The following TOM1L1 variants were observed in gnomAD, a reference collection of about 807,000 sequenced individuals.
TOM1L1 encodes the protein target of myb1 like 1 membrane trafficking protein.
In TOM1L1, 64 loss-of-function variants were observed where a neutral mutation model predicts 63.4. That is an observed-to-expected ratio of 1.01 (90% CI 0.83 to 1.24). The LOEUF (loss-of-function observed/expected upper bound fraction) is 1.24. TOM1L1 is among the 50% of genes most tolerant of loss of function. The probability of loss-of-function intolerance (pLI) is 0.00; values close to 1 mark genes in which losing one functional copy is unlikely to be tolerated. For synonymous variants in TOM1L1, 166 were observed against 194.4 expected (o/e 0.85, Z 1.22); for missense variants, 536 against 567.0 (o/e 0.95, Z 0.55).
intron 7 of TOM1L1, among the ~76,000 whole-genome samples, chr17:54,924,286 T>TG (rs910180626): frequency 4.7e-5 from 7 of 149,668 alleles, no homozygotes; most frequent in Non-Finnish European, 8.9e-5. Flanking sequence ...CTTTTTTCTT[T>TG]TTTTTTTTTT....
Position 54,937,164 on chromosome 17 carries a change from C to G in TOM1L1, c.971C>G (p.Pro324Arg). The change falls in exon 10 of 16, where the codon CCC becomes CGC. Residue 324 changes from proline to arginine, a missense_variant. By Grantham distance (103) the Pro-to-Arg change is moderately radical (BLOSUM62 -2). Coordinates refer to ENST00000575882, the MANE Select transcript of TOM1L1 (RefSeq NM_005486.3). ...GATCTCCTCGACCTAAGTCCCAGTC[C>G]CCGGATGCCTAGGGCCACTCTGGGA... ...SQDLLDLSPS[P>R]RMPRATLGEL... 1.2e-6 allele frequency: 2 copies of G among 1,613,874 alleles called. No homozygotes were observed. Among genetic ancestry groups the G allele is most frequent in the Middle Eastern group, 1.6e-4 (1 of 6,062 alleles).
intron 14 of TOM1L1, among the ~76,000 whole-genome samples, chr17:54,955,470 C>T (rs2049453711): frequency 6.6e-6 from 1 of 152,182 alleles, no homozygotes; most frequent in Non-Finnish European, 1.5e-5. Context: ...ATCAAACTAA[C>T]AGCAGTCCTT....
At chr17:54,913,581 G>A (rs973436488) in intron 4 of TOM1L1, among the ~76,000 whole-genome samples, 167 bp from the exon 5 acceptor site, 9 of 150,460 alleles carry the variant, frequency 6.0e-5, no homozygotes, top group Non-Finnish European at 8.8e-5. Flanking sequence ...CAGGAGAATC[G>A]CTTGAACCCA....
intron 14 of TOM1L1, among the ~76,000 whole-genome samples, chr17:54,950,785 C>T (rs2143967173): frequency 6.6e-6 from 1 of 152,254 alleles, no homozygotes; most frequent in Non-Finnish European, 1.5e-5. Flanking sequence ...TGTTTTTGAC[C>T]TGTGCAGAAT....
rs1243210357 is a variant in TOM1L1, at chr17:54,937,159, C to T, written c.966C>T (p.Pro322=). 7 of 1,613,796 alleles carry T rather than the reference C, an allele frequency of 4.3e-6. No individual in the cohort carries two copies. In the South Asian group the frequency reaches 5.5e-5, roughly 13 times the overall value. ...CTCAAGATCTCCTCGACCTAAGTCC[C>T]AGTCCCCGGATGCCTAGGGCCACTC... is the stretch of plus-strand genomic sequence containing the variant. The part of the protein sequence containing the change: ...APSQDLLDLS[P]SPRMPRATLG... Residue 322 remains proline (P), a synonymous_variant, in exon 10 of 16, where the codon CCC becomes CCT. Coordinates refer to ENST00000575882, the MANE Select transcript of TOM1L1 (RefSeq NM_005486.3).
At chr17:54,913,601 G>A (rs113179835) in intron 4 of TOM1L1, 147 bp from the exon 5 acceptor site, 8 of 793,506 alleles carry the variant, frequency 1.0e-5, no homozygotes, top group African/African-American at 9.3e-5. Context: ...AGGAGGCGGA[G>A]ATTGCAATGA....
At position 54,937,177 on chromosome 17, in the gene TOM1L1, G is replaced by A; in HGVS notation, c.984G>A (p.Arg328=). 2.5e-6 allele frequency: 4 copies of A among 1,613,764 alleles called. No individual in the cohort carries two copies. Among genetic ancestry groups the A allele is most frequent in the Non-Finnish European group, 2.5e-6 (3 of 1,179,976 alleles). The change falls in exon 10 of 16, where the codon AGG becomes AGA. Residue 328 remains arginine, a synonymous_variant. Coordinates refer to ENST00000575882, the MANE Select transcript of TOM1L1 (RefSeq NM_005486.3). ...LDLSPSPRMP[R]ATLGELNTMN... The stretch of plus-strand genomic sequence containing the variant: ...TAAGTCCCAGTCCCCGGATGCCTAG[G>A]GCCACTCTGGGAGAACTCAACACCA...
chr17:54,904,628 A>T (rs915607823), intron 2 of TOM1L1, among the ~76,000 whole-genome samples: 1 of 152,186 alleles, frequency 6.6e-6, no homozygotes, highest in African/African-American at 2.4e-5. Context: ...TTCTTATAGC[A>T]TGTGCTATCG....
rs746323997 is a variant in TOM1L1, at chr17:54,936,692, C to G, written c.898C>G (p.Gln300Glu). ...QQRILEQNKN[Q>E]KEATNTTSEP... The stretch of plus-strand genomic sequence containing the variant: ...AAGGATTTTGGAGCAAAATAAGAAC[C>G]AGAAGGAAGCCACCAATGTAAGTGA... The change falls in exon 9 of 16, where the codon CAG becomes GAG. Residue 300 changes from glutamine (Q) to glutamate (E), a missense_variant. Gln to Glu is a conservative substitution (Grantham distance 29, BLOSUM62 2). Transcript: ENST00000575882. 8.1e-6 allele frequency: 13 copies of G among 1,605,632 alleles called. No homozygotes were observed. Among genetic ancestry groups the G allele is most frequent in the South Asian group, 3.4e-5 (3 of 89,182 alleles).
At chr17:54,906,266 C>T (rs1368219622) in intron 3 of TOM1L1, among the ~76,000 whole-genome samples, 4 of 152,020 alleles carry the variant, frequency 2.6e-5, no homozygotes, top group East Asian at 1.9e-4. Context: ...GTCAGAAGTT[C>T]GAGACCAGCC....
At chr17:54,935,996 G>A (rs35465233) in intron 8 of TOM1L1, among the ~76,000 whole-genome samples, 34,736 of 151,742 alleles carry the variant, frequency 0.23, 4,535 homozygotes, top group Non-Finnish European at 0.29. Flanking sequence ...GGTGGCACAC[G>A]CCTGTAATCC....
chr17:54,912,526 G>A, intron 3 of TOM1L1, 140 bp from the exon 4 acceptor site: 1 of 673,174 alleles, frequency 1.5e-6, no homozygotes, highest in Non-Finnish European at 2.3e-6. Context: ...CTAACATTTT[G>A]CCATATATTT....
At chr17:54,957,065 T>C (rs1189699755) in intron 14 of TOM1L1, 1 of 152,280 alleles carries the variant, frequency 6.6e-6, no homozygotes, top group Non-Finnish European at 1.5e-5. Flanking sequence ...GCTGGCTGCA[T>C]TCCACACAGG....
At chr17:54,936,998 C>A in intron 9 of TOM1L1, 111 bp from the exon 10 acceptor site, 4 of 928,400 alleles carry the variant, frequency 4.3e-6, no homozygotes, top group Non-Finnish European at 6.8e-6. Context: ...GTGGAGAATT[C>A]TTCCTTAAAA....
chr17:54,901,621 C>G (rs1159294081), intron 1 of TOM1L1, among the ~76,000 whole-genome samples: 2 of 152,136 alleles, frequency 1.3e-5, no homozygotes, highest in East Asian at 1.9e-4. Flanking sequence ...CACCAGCTCA[C>G]TGCTCCTTCT....
At chr17:54,909,773 C>T (rs935685754) in intron 3 of TOM1L1, among the ~76,000 whole-genome samples, 19 of 152,158 alleles carry the variant, frequency 1.2e-4, no homozygotes, top group African/African-American at 4.3e-4. Context: ...AGTCTTTGTT[C>T]CTTGGCTCCT....
At chr17:54,912,937 C>A in intron 4 of TOM1L1, 122 bp downstream of exon 4, 1 of 909,430 alleles carries the variant, frequency 1.1e-6, no homozygotes, top group Non-Finnish European at 1.5e-6. Flanking sequence ...AGCATTTTTG[C>A]TATTTTAGTT....
chr17:54,919,206 A>C (rs568676271), intron 7 of TOM1L1, among the ~76,000 whole-genome samples: 1 of 152,360 alleles, frequency 6.6e-6, no homozygotes, highest in East Asian at 1.9e-4. Flanking sequence ...TTCCAGATAT[A>C]AACTTTTTAA....
intron 5 of TOM1L1, 61 bp from the exon 6 acceptor site, chr17:54,914,578 A>T: frequency 1.4e-6 from 2 of 1,388,350 alleles, no homozygotes; most frequent in South Asian, 2.3e-5. Flanking sequence ...AATGGAAAAA[A>T]CTTGGCGTTG....
Sources: gnomAD v4.1 joint callset for allele counts (sites outside exome capture counted in the v4.1 genomes callset) on GRCh38, gnomAD v4.1.1 for gene constraint, MANE v1.5 for transcripts, NCBI Gene and HGNC (gene_info 2026-07-23, HGNC 2026-07-21) for gene names.